Variants in FMN1 observed in about 807,000 individuals in gnomAD.
The protein encoded by FMN1 is formin-1.
A neutral mutation model predicts 132.4 loss-of-function variants in FMN1; 110 were observed. The observed-to-expected ratio is 0.83, with a 90% CI of 0.71 to 0.97. The LOEUF (loss-of-function observed/expected upper bound fraction) is 0.97. FMN1 is among the 50% of genes least tolerant of loss of function. FMN1 has a pLI of 0.00. For missense variants in FMN1, 1,792 were observed against 1,705.3 expected (o/e 1.05, Z -0.90); for synonymous variants, 722 against 651.7 (o/e 1.11, Z -1.64).
At chr15:33,039,654 CCTTCTGTT>C (rs2036339745) in intron 6 of FMN1, among the ~76,000 whole-genome samples, 1 of 152,142 alleles carries the variant, frequency 6.6e-6, no homozygotes, top group African/African-American at 2.4e-5. Flanking sequence ...CAAATTATCT[CCTTCTGTT>C]CTTTTAATAG....
chr15:33,151,254 G>A, intron 4 of FMN1: 1 of 1,535,898 alleles, frequency 6.5e-7, no homozygotes, highest in South Asian at 1.2e-5. Flanking sequence ...ATCAAAAAAA[G>A]CTCTTACCCA....
intron 16 of FMN1, among the ~76,000 whole-genome samples, chr15:32,858,971 G>A (rs1316786663): frequency 2.0e-5 from 3 of 152,150 alleles, no homozygotes; most frequent in Non-Finnish European, 2.9e-5. Flanking sequence ...TCCAAGGAGC[G>A]AGAGAGTAGA....
chr15:33,193,429 C>T (rs1966147963), intron 2 of FMN1, among the ~76,000 whole-genome samples: 1 of 152,124 alleles, frequency 6.6e-6, no homozygotes. Flanking sequence ...ATGCGCCCCT[C>T]CGCCCCCCTG....
chr15:32,979,279 G>A lies in FMN1; in HGVS notation c.2224-9802C>T, dbSNP rs79254880. 7.3e-3 allele frequency among the ~76,000 whole-genome samples: 1,105 copies of A among 152,234 alleles called. 16 individuals are homozygous for A. The highest frequency in any genetic ancestry group is 0.024 in the African/African-American group (1,015 of 41,538). Reference sequence around the variant, plus strand: ...GTGGAAAATAAGAAACCATTCGCCCGGCATGGTGGTTCACACCTGTAATCC... The same window carrying A: ...GTGGAAAATAAGAAACCATTCGCCCAGCATGGTGGTTCACACCTGTAATCC... On this transcript the variant is annotated intron_variant, in intron 7 of 20. Transcript: ENST00000616417.
chr15:32,883,691 A>G lies in FMN1; in HGVS notation c.3835+4481T>C, dbSNP rs545386406. On this transcript the variant is annotated intron_variant, in intron 16 of 20. Transcript: ENST00000616417. The stretch of plus-strand genomic sequence containing the variant: ...CAACCGTGTTGCTAGTACAATCAAT[A>G]TCCTTTCTTCTTAAAGTACCTTTTA... Among the ~76,000 whole-genome samples, 4 of 152,184 alleles carry G rather than the reference A, an allele frequency of 2.6e-5. No homozygotes were observed. The East Asian group carries it at 5.8e-4, about 22-fold the overall frequency.
rs2059055786 is a variant in FMN1, at chr15:32,853,480, G to A, written c.3928+3535C>T. Among the ~76,000 whole-genome samples, 3 of 152,290 alleles carry A rather than the reference G, an allele frequency of 2.0e-5. No individual in the cohort carries two copies. The South Asian group carries it at 6.2e-4, about 32-fold the overall frequency. ...CGTATTAGATGAAATACTATAAACT[G>A]TATGACAATTGTCATAGAAATTTGA... On this transcript the variant is annotated intron_variant, in intron 17 of 20. Transcript: ENST00000616417.
intron 12 of FMN1, among the ~76,000 whole-genome samples, chr15:32,904,718 G>GA (rs1477339637): frequency 6.6e-6 from 1 of 152,008 alleles, no homozygotes; most frequent in Non-Finnish European, 1.5e-5. Flanking sequence ...AAATTTGGAG[G>GA]AAAAAAATAG....
intron 9 of FMN1, among the ~76,000 whole-genome samples, chr15:32,932,076 G>T (rs2061133894): frequency 6.6e-6 from 1 of 152,160 alleles, no homozygotes; most frequent in African/African-American, 2.4e-5. Context: ...CTTGGTGATG[G>T]TATATGATCC....
intron 10 of FMN1, among the ~76,000 whole-genome samples, chr15:32,917,814 A>C (rs1342459536): frequency 6.6e-6 from 1 of 152,208 alleles, no homozygotes; most frequent in African/African-American, 2.4e-5. Flanking sequence ...CAAACTACCC[A>C]CAAAAGGCTA....
chr15:33,109,592 G>A (rs1426754146), intron 4 of FMN1, among the ~76,000 whole-genome samples: 1 of 152,068 alleles, frequency 6.6e-6, no homozygotes, highest in Non-Finnish European at 1.5e-5. Flanking sequence ...GGCAGGAACA[G>A]AAAATCAAAT....
In FMN1 at chr15:32,812,236, G is replaced by T. The variant is rs2057907569; in HGVS notation, c.3929-7904C>A. Among the ~76,000 whole-genome samples, 4 of 152,138 alleles carry T rather than the reference G, an allele frequency of 2.6e-5. No homozygotes were observed. In the South Asian group the frequency reaches 8.3e-4, roughly 32 times the overall value. ...CTCATTACACACAATGGCAGAGATAGGGCAGTACGACTTAATTCCCTTACA... is the reference window on the plus strand; with the variant it reads ...CTCATTACACACAATGGCAGAGATATGGCAGTACGACTTAATTCCCTTACA... On this transcript the variant is annotated intron_variant, in intron 17 of 20. Transcript: ENST00000616417.
At chr15:33,135,514 A>G (rs998721437) in intron 4 of FMN1, among the ~76,000 whole-genome samples, 7 of 152,208 alleles carry the variant, frequency 4.6e-5, no homozygotes, top group African/African-American at 1.7e-4. Flanking sequence ...GCTGGCATCA[A>G]GTAGGAAAGA....
intron 16 of FMN1, among the ~76,000 whole-genome samples, chr15:32,879,355 C>T (rs575529296): frequency 6.6e-6 from 1 of 152,282 alleles, no homozygotes; most frequent in South Asian, 2.1e-4. Flanking sequence ...ACTTAGTAAA[C>T]TACTGCTGTG....
chr15:33,006,613 A>G (rs1409307303), intron 7 of FMN1, among the ~76,000 whole-genome samples: 1 of 152,212 alleles, frequency 6.6e-6, no homozygotes, highest in Non-Finnish European at 1.5e-5. Context: ...CGTTATTCAC[A>G]AAAGCCAAGA....
At chr15:32,813,436 A>G (rs1315624287) in intron 17 of FMN1, among the ~76,000 whole-genome samples, 1 of 152,134 alleles carries the variant, frequency 6.6e-6, no homozygotes, top group East Asian at 1.9e-4. Flanking sequence ...TTTTCCCAAT[A>G]TATTTTCACT....
intron 6 of FMN1, among the ~76,000 whole-genome samples, chr15:33,031,332 C>G (rs1482844605): frequency 6.6e-6 from 1 of 152,202 alleles, no homozygotes; most frequent in African/African-American, 2.4e-5. Context: ...TGGAGAGGGT[C>G]TGCTTCTGAT....
chr15:32,923,154 A>C (rs1234464080), intron 10 of FMN1, among the ~76,000 whole-genome samples: 2 of 152,146 alleles, frequency 1.3e-5, no homozygotes, highest in Non-Finnish European at 2.9e-5. Context: ...CACCCTCTGA[A>C]TTGTCATTTC....
At chr15:33,015,811 TTTTTA>T (rs1438019757) in intron 6 of FMN1, among the ~76,000 whole-genome samples, 34 of 152,376 alleles carry the variant, frequency 2.2e-4, no homozygotes, top group African/African-American at 7.9e-4. Context: ...GTATCTGAAC[TTTTTA>T]TTTTGACAGT....
intron 6 of FMN1, among the ~76,000 whole-genome samples, chr15:33,044,700 G>A (rs987684679): frequency 1.3e-5 from 2 of 152,058 alleles, no homozygotes; most frequent in African/African-American, 2.4e-5. Flanking sequence ...GAGCTGAAAG[G>A]GGATGATGAG....
Sources: gnomAD v4.1 joint callset for allele counts (sites outside exome capture counted in the v4.1 genomes callset) on GRCh38, gnomAD v4.1.1 for gene constraint, MANE v1.5 for transcripts, NCBI Gene and HGNC (gene_info 2026-07-23, HGNC 2026-07-21) for gene names.